The following GRIA2 variants were observed in gnomAD, a reference collection of about 807,000 sequenced individuals.
GRIA2 encodes glutamate receptor 2.
Under a neutral mutation model 97.3 loss-of-function variants are expected in GRIA2, and 14 were observed. That is an observed-to-expected ratio of 0.14 (90% CI 0.10 to 0.23). The LOEUF (loss-of-function observed/expected upper bound fraction) is 0.23, where lower values mean the gene tolerates loss of function less well. Ranked by LOEUF, GRIA2 falls within the 10% of genes least tolerant of loss-of-function variation. The pLI is 1.00. For missense variants in GRIA2, 558 were observed against 1,069.8 expected (o/e 0.52, Z 6.67); for synonymous variants, 412 against 387.8 (o/e 1.06, Z -0.73).
At chr4:157,324,302 A>G (rs1345906940) in intron 6 of GRIA2, among the ~76,000 whole-genome samples, 1 of 152,192 alleles carries the variant, frequency 6.6e-6, no homozygotes, top group Non-Finnish European at 1.5e-5. Context: ...GAGGAAGTTT[A>G]TCCTAACAAA....
chr4:157,283,239 A>G (rs1211782112), intron 2 of GRIA2, among the ~76,000 whole-genome samples: 1 of 152,008 alleles, frequency 6.6e-6, no homozygotes, highest in Non-Finnish European at 1.5e-5. Context: ...TTATTAATAT[A>G]GTGACCCCAG....
intron 2 of GRIA2, among the ~76,000 whole-genome samples, chr4:157,260,791 T>C (rs921992640): frequency 2.0e-5 from 3 of 152,042 alleles, no homozygotes; most frequent in Non-Finnish European, 4.4e-5. Flanking sequence ...TCTCCTCCTC[T>C]TTTTCCTCCT....
Position 157,243,240 on chromosome 4 carries a change from A to C in GRIA2, c.229+21433A>C, listed in dbSNP as rs574509545. Among the ~76,000 whole-genome samples, 4 of 152,254 alleles carry C rather than the reference A, an allele frequency of 2.6e-5. No homozygotes were observed. In the South Asian group the frequency reaches 8.3e-4, roughly 31 times the overall value. On this transcript the variant is annotated intron_variant, in intron 2 of 15. Coordinates refer to ENST00000264426, the MANE Select transcript of GRIA2 (RefSeq NM_001083619.3). ...TAGAGAGTAGGCAAATTTGCAAATA[A>C]TAAATCCATAAAAAATGAAGATGGT...
intron 2 of GRIA2, among the ~76,000 whole-genome samples, chr4:157,274,047 CAA>C (rs1347876230): frequency 6.6e-6 from 1 of 151,904 alleles, no homozygotes; most frequent in Non-Finnish European, 1.5e-5. Context: ...ACCATGTAAA[CAA>C]GAGGAGAGTG....
In GRIA2 at chr4:157,312,889, T is replaced by TTTTCAGCA; in HGVS notation, c.666+14_666+15insTTTCAGCA. 6.9e-7 allele frequency: 1 copy of TTTTCAGCA among 1,450,282 alleles called. No individual in the cohort carries two copies. Among genetic ancestry groups the TTTTCAGCA allele is most frequent in the Admixed American group, 1.9e-5 (1 of 51,372 alleles). The allele number at this position is 1,450,282 out of a possible 1,614,324, so 89.8% of individuals were successfully genotyped here. A position where few individuals can be genotyped will look rare whatever the true frequency, so the allele number is the denominator to read the frequency against. On this transcript the variant is annotated intron_variant, in intron 4 of 15. Coordinates refer to ENST00000264426, the MANE Select transcript of GRIA2 (RefSeq NM_001083619.3). ...ATTGTAGACCAGGTTTGCTACTTTC[T>TTTTCAGCA]GTTTTCTAATGATGCCAGATATAGA...
intron 12 of GRIA2, among the ~76,000 whole-genome samples, chr4:157,347,989 C>T (rs972083838): frequency 2.6e-5 from 4 of 151,818 alleles, no homozygotes; most frequent in African/African-American, 4.8e-5. Context: ...CTGAGCGTGA[C>T]GGCACGTGCC....
chr4:157,285,056 C>T (rs945772335), intron 2 of GRIA2, among the ~76,000 whole-genome samples: 7 of 151,638 alleles, frequency 4.6e-5, no homozygotes, highest in Non-Finnish European at 1.0e-4. Flanking sequence ...TATATGACAT[C>T]TTGTTTTTAT....
chr4:157,221,817 G>T lies in GRIA2; in HGVS notation c.229+10G>T, dbSNP rs768924263. ...GCAGTCACTAATGCTTGTAAGTAATGAATATTCATGCCTTTCGGGTGCTGC... is the reference window on the plus strand; with the variant it reads ...GCAGTCACTAATGCTTGTAAGTAATTAATATTCATGCCTTTCGGGTGCTGC... On this transcript the variant is annotated intron_variant, in intron 2 of 15. Coordinates refer to ENST00000264426, the MANE Select transcript of GRIA2 (RefSeq NM_001083619.3). 14 of 1,613,188 alleles carry T rather than the reference G, an allele frequency of 8.7e-6. No homozygotes were observed. Among genetic ancestry groups the T allele is most frequent in the Admixed American group, 1.7e-5 (1 of 60,000 alleles).
At chr4:157,226,312 A>G (rs1191180032) in intron 2 of GRIA2, among the ~76,000 whole-genome samples, 1 of 152,076 alleles carries the variant, frequency 6.6e-6, no homozygotes, top group Admixed American at 6.5e-5. Context: ...AACATTGTAA[A>G]GAAATTTATT....
At chr4:157,223,746 G>C (rs1210590313) in intron 2 of GRIA2, among the ~76,000 whole-genome samples, 1 of 152,200 alleles carries the variant, frequency 6.6e-6, no homozygotes, top group African/African-American at 2.4e-5. Context: ...ATTGACAGCT[G>C]TACTTTTTGA....
intron 12 of GRIA2, chr4:157,342,396 G>A: frequency 1.0e-6 from 1 of 984,316 alleles, no homozygotes; most frequent in African/African-American, 1.7e-5. Context: ...TCTGGGAGTG[G>A]GGGTGGTAGA....
chr4:157,251,460 C>A (rs1731019638), intron 2 of GRIA2, among the ~76,000 whole-genome samples: 2 of 151,996 alleles, frequency 1.3e-5, no homozygotes, highest in African/African-American at 4.8e-5. Context: ...CTCATCTGTT[C>A]ACTTAGAGAA....
At chr4:157,300,184 A>G (rs1733553241) in intron 2 of GRIA2, among the ~76,000 whole-genome samples, 1 of 152,134 alleles carries the variant, frequency 6.6e-6, no homozygotes. Context: ...TAAGGTAAAG[A>G]TGAAAATGAA....
At chr4:157,221,611 C>G (rs1729497586) in intron 1 of GRIA2, 56 bp from the exon 2 acceptor site, 1 of 1,581,470 alleles carries the variant, frequency 6.3e-7, no homozygotes, top group Non-Finnish European at 8.6e-7. Flanking sequence ...GCGCGCCCCT[C>G]CTTTCCCTCC....
At chr4:157,335,345 G>C (rs1252095061) in intron 9 of GRIA2, 1 of 300,750 alleles carries the variant, frequency 3.3e-6, no homozygotes, top group Admixed American at 4.6e-5. Context: ...GAATAAAATA[G>C]GTTTTGAGCA....
At chr4:157,279,798 T>C (rs1420454254) in intron 2 of GRIA2, among the ~76,000 whole-genome samples, 5 of 152,144 alleles carry the variant, frequency 3.3e-5, no homozygotes, top group African/African-American at 1.2e-4. Flanking sequence ...TTTTATTTTG[T>C]TTCTTGTTGG....
chr4:157,263,938 C>T (rs368486719), intron 2 of GRIA2, among the ~76,000 whole-genome samples: 1 of 151,970 alleles, frequency 6.6e-6, no homozygotes, highest in South Asian at 2.1e-4. Flanking sequence ...TACCTTTCCT[C>T]ATTTTTGAAC....
intron 2 of GRIA2, among the ~76,000 whole-genome samples, chr4:157,259,857 T>C (rs963426805): frequency 8.5e-5 from 13 of 152,122 alleles, no homozygotes; most frequent in Non-Finnish European, 1.6e-4. Flanking sequence ...GTACTTTCTT[T>C]TATGATACTT....
intron 2 of GRIA2, among the ~76,000 whole-genome samples, chr4:157,235,568 T>A (rs1182676757): frequency 6.6e-6 from 1 of 152,034 alleles, no homozygotes; most frequent in East Asian, 1.9e-4. Flanking sequence ...CAATGGAAGG[T>A]GAAAAGCCAT....
Sources: gnomAD v4.1 joint callset for allele counts (sites outside exome capture counted in the v4.1 genomes callset) on GRCh38, gnomAD v4.1.1 for gene constraint, MANE v1.5 for transcripts, NCBI Gene and HGNC (gene_info 2026-07-23, HGNC 2026-07-21) for gene names.